The following GPC6 variants were observed in gnomAD, a reference collection of about 807,000 sequenced individuals.
GPC6 encodes glypican 6, also known as glypican-6.
Under a neutral mutation model 55.2 loss-of-function variants are expected in GPC6, and 14 were observed. That is an observed-to-expected ratio of 0.25 (90% CI 0.17 to 0.40). The LOEUF is 0.40. Among genes scored for constraint, GPC6 ranks in the 10% least tolerant of loss-of-function variants. The pLI, the probability that GPC6 is intolerant of heterozygous loss-of-function variation, is 1.00. For synonymous variants in GPC6, 278 were observed against 259.6 expected (o/e 1.07, Z -0.68); for missense variants, 641 against 708.5 (o/e 0.90, Z 1.08).
At chr13:94,122,184 A>C (rs115884580) in intron 4 of GPC6, among the ~76,000 whole-genome samples, 11 of 151,912 alleles carry the variant, frequency 7.2e-5, no homozygotes, top group Non-Finnish European at 1.5e-4. Context: ...GAAAGCCACA[A>C]TTTTTTTTAA....
chr13:93,644,043 C>A (rs1417170966), intron 2 of GPC6, among the ~76,000 whole-genome samples: 1 of 151,976 alleles, frequency 6.6e-6, no homozygotes, highest in Non-Finnish European at 1.5e-5. Flanking sequence ...GCTATGTAAT[C>A]CCATCAGCTT....
intron 2 of GPC6, among the ~76,000 whole-genome samples, chr13:93,602,818 A>G (rs1212302282): frequency 6.6e-6 from 1 of 152,168 alleles, no homozygotes; most frequent in Non-Finnish European, 1.5e-5. Context: ...TACACACTAC[A>G]TGTCAAGAAA....
Position 93,651,065 on chromosome 13 carries a change from G to A in GPC6, c.319+105644G>A, listed in dbSNP as rs184791925. Among the ~76,000 whole-genome samples, 3 of 152,242 alleles carry A rather than the reference G, an allele frequency of 2.0e-5. No homozygotes were observed. In the East Asian group the frequency reaches 5.8e-4, roughly 29 times the overall value. On this transcript the variant is annotated intron_variant, in intron 2 of 8. Transcript: ENST00000377047. ...AGTCTGTACATCTAAATATGCAAGT[G>A]CAAACACAAGAGGCATCACCCACCT...
chr13:93,953,250 T>A (rs1462258910), intron 3 of GPC6, among the ~76,000 whole-genome samples: 1 of 152,112 alleles, frequency 6.6e-6, no homozygotes, highest in Non-Finnish European at 1.5e-5. Context: ...TATTGAACAT[T>A]CTCACTTTAA....
chr13:93,914,287 A>G (rs1353583298), intron 3 of GPC6, among the ~76,000 whole-genome samples: 12 of 151,852 alleles, frequency 7.9e-5, no homozygotes, highest in South Asian at 2.1e-4. Flanking sequence ...TCATTGTTCA[A>G]TTGCCGCCTA....
At chr13:93,272,673 T>TA in intron 1 of GPC6, among the ~76,000 whole-genome samples, 1 of 152,244 alleles carries the variant, frequency 6.6e-6, no homozygotes, top group Middle Eastern at 3.4e-3. Context: ...TCTACTCTTA[T>TA]TTGGATATAA....
chr13:93,249,852 C>T (rs1204770093), intron 1 of GPC6, among the ~76,000 whole-genome samples: 1 of 152,196 alleles, frequency 6.6e-6, no homozygotes, highest in African/African-American at 2.4e-5. Flanking sequence ...ATGTAAAAGG[C>T]ATATAGTTCC....
intron 3 of GPC6, among the ~76,000 whole-genome samples, chr13:93,876,560 A>G (rs1049564471): frequency 2.6e-5 from 4 of 152,050 alleles, no homozygotes; most frequent in African/African-American, 9.7e-5. Context: ...GAATGAGTTA[A>G]TACTTATTTC....
chr13:93,240,517 G>A (rs1021694993), intron 1 of GPC6, among the ~76,000 whole-genome samples: 1 of 151,914 alleles, frequency 6.6e-6, no homozygotes, highest in East Asian at 1.9e-4. Context: ...TTTACCTTGA[G>A]TCTATAAGAA....
chr13:94,084,061 T>A (rs1053490311), intron 4 of GPC6, among the ~76,000 whole-genome samples: 8 of 152,382 alleles, frequency 5.2e-5, no homozygotes, highest in Admixed American at 2.0e-4. Flanking sequence ...CTGGCTATAG[T>A]CCTTCCATCT....
intron 2 of GPC6, among the ~76,000 whole-genome samples, chr13:93,681,073 A>C (rs1249047956): frequency 4.6e-5 from 7 of 152,156 alleles, no homozygotes; most frequent in Non-Finnish European, 1.0e-4. Context: ...TACATTTGTC[A>C]TTATTCTTTG....
chr13:93,764,360 C>T (rs1456149218), intron 2 of GPC6, among the ~76,000 whole-genome samples: 1 of 151,964 alleles, frequency 6.6e-6, no homozygotes, highest in African/African-American at 2.4e-5. Flanking sequence ...TTTAACATGC[C>T]TTTATAAAAA....
chr13:94,382,313 C>T, intron 6 of GPC6, 101 bp from the exon 7 acceptor site: 1 of 1,200,334 alleles, frequency 8.3e-7, no homozygotes, highest in Non-Finnish European at 1.2e-6. Flanking sequence ...TCCTGCTGGT[C>T]ATATCACAGG....
chr13:93,223,387 A>T (rs557085386), upstream of GPC6, among the ~76,000 whole-genome samples: 80 of 152,132 alleles, frequency 5.3e-4, no homozygotes, highest in African/African-American at 1.9e-3. Context: ...TCTTTTATTA[A>T]ACGTACCATA....
intron 4 of GPC6, among the ~76,000 whole-genome samples, chr13:94,092,000 T>A (rs1028744034): frequency 1.4e-4 from 21 of 150,804 alleles, no homozygotes; most frequent in Non-Finnish European, 2.8e-4. Context: ...TTGAAAAAAA[T>A]TATATATATT....
At chr13:93,844,721 C>T (rs1329362323) in intron 3 of GPC6, among the ~76,000 whole-genome samples, 8 of 145,048 alleles carry the variant, frequency 5.5e-5, no homozygotes, top group African/African-American at 7.7e-5. Flanking sequence ...TCCTTGCCCA[C>T]GCCTATGTCC....
intron 1 of GPC6, among the ~76,000 whole-genome samples, chr13:93,432,674 G>A (rs1877406309): frequency 6.6e-6 from 1 of 152,122 alleles, no homozygotes. Flanking sequence ...GTAGAAACAA[G>A]CAGTAAGTAA....
chr13:93,620,274 A>C (rs965501558), intron 2 of GPC6, among the ~76,000 whole-genome samples: 7 of 152,208 alleles, frequency 4.6e-5, no homozygotes, highest in Admixed American at 1.3e-4. Context: ...TAACTGATTA[A>C]CACATTGTTC....
chr13:93,488,118 C>T (rs112649500), intron 1 of GPC6, among the ~76,000 whole-genome samples: 2 of 152,132 alleles, frequency 1.3e-5, no homozygotes, highest in African/African-American at 2.4e-5. Context: ...ATCCCTCCCC[C>T]CTCCTTTCAC....
Sources: allele counts gnomAD v4.1 joint callset (sites outside exome capture counted in the v4.1 genomes callset), GRCh38; gene constraint gnomAD v4.1.1; transcripts MANE v1.5; gene names NCBI Gene and HGNC (gene_info 2026-07-23, HGNC 2026-07-21).